CTBP2: variants seen among roughly 807,000 people sequenced by gnomAD.
The protein encoded by CTBP2 is C-terminal binding protein 2.
In CTBP2, 30 loss-of-function variants were observed where a neutral mutation model predicts 80.3. The ratio of observed to expected loss-of-function variants is 0.37; its 90% CI spans 0.28 to 0.51. The LOEUF is 0.51. Among genes scored for constraint, CTBP2 ranks in the 20% least tolerant of loss-of-function variants. The pLI, the probability that CTBP2 is intolerant of heterozygous loss-of-function variation, is 0.93. For missense variants in CTBP2, 1,212 were observed against 1,375.3 expected (o/e 0.88, Z 1.88); for synonymous variants, 594 against 587.4 (o/e 1.01, Z -0.16).
upstream of CTBP2, among the ~76,000 whole-genome samples, chr10:125,031,521 C>T (rs960832194): frequency 3.8e-5 from 5 of 132,378 alleles, no homozygotes; most frequent in East Asian, 8.7e-4. Context: ...AAAGTCTTTC[C>T]TCTCATCAAC....
At chr10:125,013,955 T>G (rs1229599264) in intron 1 of CTBP2, among the ~76,000 whole-genome samples, 1 of 152,200 alleles carries the variant, frequency 6.6e-6, no homozygotes, top group Admixed American at 6.5e-5. Flanking sequence ...GGAATGTGAT[T>G]GTTCGATCTA....
At chr10:125,058,583 GGAGTTT>G (rs1198131232) in intron 2 of CTBP2, among the ~76,000 whole-genome samples, 1 of 152,190 alleles carries the variant, frequency 6.6e-6, no homozygotes, top group Non-Finnish European at 1.5e-5. Context: ...CCTGAGGTCA[GGAGTTT>G]GAGACCAGCC....
intron 2 of CTBP2, among the ~76,000 whole-genome samples, chr10:125,063,233 C>T (rs573807767): frequency 6.6e-6 from 1 of 151,492 alleles, no homozygotes; most frequent in South Asian, 2.1e-4. Flanking sequence ...ACGTGTTACT[C>T]TGCGCACATC....
At chr10:124,991,843 T>C (rs1589893084) in intron 8 of CTBP2, among the ~76,000 whole-genome samples, 1 of 144,764 alleles carries the variant, frequency 6.9e-6, no homozygotes, top group African/African-American at 2.6e-5. Context: ...TGCAACTTCA[T>C]TCATTTATGC....
chr10:125,100,172 T>C (rs1590773803), intron 2 of CTBP2, among the ~76,000 whole-genome samples: 1 of 152,292 alleles, frequency 6.6e-6, no homozygotes, highest in East Asian at 1.9e-4. Flanking sequence ...TGACAGATCA[T>C]AAAGACCAAA....
intron 2 of CTBP2, among the ~76,000 whole-genome samples, chr10:125,049,408 G>A (rs1962168227): frequency 6.6e-6 from 1 of 152,208 alleles, no homozygotes; most frequent in South Asian, 2.1e-4. Context: ...CCACACACGT[G>A]CGGATCCTGG....
At chr10:125,045,692 C>T (rs1401553138) in intron 2 of CTBP2, among the ~76,000 whole-genome samples, 1 of 152,200 alleles carries the variant, frequency 6.6e-6, no homozygotes, top group South Asian at 2.1e-4. Flanking sequence ...GGTTTCACCA[C>T]GTTGGCCAGG....
At chr10:125,091,913 AT>A (rs1848819871) in intron 2 of CTBP2, among the ~76,000 whole-genome samples, 1 of 152,172 alleles carries the variant, frequency 6.6e-6, no homozygotes, top group Admixed American at 6.5e-5. Context: ...CCCCATGATT[AT>A]TTTTATGGTT....
intron 1 of CTBP2, among the ~76,000 whole-genome samples, chr10:125,130,344 T>C (rs1426965138): frequency 6.6e-6 from 1 of 152,146 alleles, no homozygotes; most frequent in Non-Finnish European, 1.5e-5. Flanking sequence ...CCACCATGCC[T>C]GGCCAGCCCA....
At chr10:125,015,986 C>T (rs1261346890) in intron 1 of CTBP2, among the ~76,000 whole-genome samples, 2 of 152,172 alleles carry the variant, frequency 1.3e-5, no homozygotes, top group African/African-American at 4.8e-5. Context: ...TCTGACTTCT[C>T]ACTGTGTGAA....
intron 1 of CTBP2, among the ~76,000 whole-genome samples, chr10:125,125,497 A>G (rs1855080573): frequency 6.6e-6 from 1 of 152,170 alleles, no homozygotes; most frequent in Non-Finnish European, 1.5e-5. Flanking sequence ...ACTAAGCATC[A>G]TTTTCATAAA....
Position 124,985,587 on chromosome 10 carries a change from T to A in CTBP2, c.*3931A>T, listed in dbSNP as rs888645500. 9 of 152,690 alleles carry A rather than the reference T, an allele frequency of 5.9e-5. No homozygotes were observed. Among genetic ancestry groups the A allele is most frequent in the Admixed American group, 2.0e-4 (3 of 15,286 alleles). 9.5% of individuals were successfully genotyped at this position (152,690 alleles called of 1,614,324 possible). A position where few individuals can be genotyped will look rare whatever the true frequency, so the allele number is the denominator to read the frequency against. ...AACAAACTGCAAGAAAAGCTAAGAATGTTTTAGAGTGAACTAAATACAGAC... is the reference window on the plus strand; with the variant it reads ...AACAAACTGCAAGAAAAGCTAAGAAAGTTTTAGAGTGAACTAAATACAGAC... On this transcript the variant is annotated 3_prime_UTR_variant, in exon 9 of 9. Transcript: ENST00000309035.
chr10:125,157,400 A>G (rs569759278), intron 1 of CTBP2, among the ~76,000 whole-genome samples: 3 of 147,254 alleles, frequency 2.0e-5, no homozygotes, highest in Admixed American at 2.0e-4. Flanking sequence ...GGTTAAAAAA[A>G]AAAAAAGAGC....
At chr10:125,092,231 G>GA (rs963077003) in intron 2 of CTBP2, among the ~76,000 whole-genome samples, 34 of 145,148 alleles carry the variant, frequency 2.3e-4, no homozygotes, top group African/African-American at 7.7e-4. Flanking sequence ...GCCCAGGCTG[G>GA]AGTACAGTGG....
rs952124307 is a variant in CTBP2, at chr10:124,989,334, G to A, written c.*184C>T. The A allele has an allele frequency of 7.7e-5, 51 of 663,674 alleles. No homozygotes were observed. Among genetic ancestry groups the A allele is most frequent in the African/African-American group, 6.1e-4 (34 of 55,500 alleles). The allele number at this position is 663,674 out of a possible 1,614,324, so 41.1% of individuals were successfully genotyped here. On this transcript the variant is annotated 3_prime_UTR_variant, in exon 9 of 9. Transcript: ENST00000309035. ...ATAAATCACATCCTAGTCTTTCAGC[G>A]CTTCCGTAAGCAGACGACATCTTCA...
At chr10:125,098,700 G>GAGAGAC (rs1564914056) in intron 2 of CTBP2, among the ~76,000 whole-genome samples, 29 of 84,882 alleles carry the variant, frequency 3.4e-4, no homozygotes, top group South Asian at 8.3e-4. Context: ...GAGAGAGAGA[G>GAGAGAC]AGAGAGACAG....
At chr10:125,153,484 T>G (rs1247737467) in intron 1 of CTBP2, among the ~76,000 whole-genome samples, 2 of 152,180 alleles carry the variant, frequency 1.3e-5, no homozygotes, top group Non-Finnish European at 2.9e-5. Flanking sequence ...CTAGAGCTCA[T>G]TTAAAAGGAA....
intron 3 of CTBP2, among the ~76,000 whole-genome samples, chr10:125,036,668 GGTGTGT>G (rs59284647): frequency 0.076 from 9,037 of 119,162 alleles, 279 homozygotes; most frequent in Non-Finnish European, 0.082. Context: ...AGCTAGAGGG[GGTGTGT>G]GTGTGTGTGT....
chr10:125,114,055 G>A (rs950015880), intron 1 of CTBP2, among the ~76,000 whole-genome samples: 97 of 152,320 alleles, frequency 6.4e-4, no homozygotes, highest in African/African-American at 2.3e-3. Context: ...ACAGTGCGGC[G>A]TGGACTAGTG....
Sources: gnomAD v4.1 joint callset for allele counts (sites outside exome capture counted in the v4.1 genomes callset) on GRCh38, gnomAD v4.1.1 for gene constraint, MANE v1.5 for transcripts, NCBI Gene and HGNC (gene_info 2026-07-23, HGNC 2026-07-21) for gene names.